STK10: variants seen among roughly 807,000 people sequenced by gnomAD.
STK10 encodes serine/threonine kinase 10.
Under a neutral mutation model 113.8 loss-of-function variants are expected in STK10, and 78 were observed. The ratio of observed to expected loss-of-function variants is 0.69; its 90% CI spans 0.57 to 0.83. The LOEUF is 0.83. Ranked by LOEUF, STK10 falls within the 40% of genes least tolerant of loss-of-function variation. The pLI, the probability that STK10 is intolerant of heterozygous loss-of-function variation, is 0.00. For missense variants in STK10, 1,109 were observed against 1,280.1 expected, an observed-to-expected ratio of 0.87 and a Z score of 2.04; for synonymous variants, 465 against 494.7, an observed-to-expected ratio of 0.94 and a Z score of 0.80.
intron 2 of STK10, among the ~76,000 whole-genome samples, chr5:172,155,382 C>A (rs1168043963): frequency 6.6e-6 from 1 of 151,798 alleles, no homozygotes; most frequent in Non-Finnish European, 1.5e-5. Flanking sequence ...CCTGTAATCC[C>A]AGCTGCTTAG....
chr5:172,116,443 T>A (rs576874479), intron 4 of STK10, among the ~76,000 whole-genome samples: 1 of 151,916 alleles, frequency 6.6e-6, no homozygotes, highest in African/African-American at 2.4e-5. Flanking sequence ...GAAGTACACA[T>A]GAGAAGAGCT....
intron 7 of STK10, among the ~76,000 whole-genome samples, chr5:172,100,756 C>T (rs1489452846): frequency 1.3e-5 from 2 of 152,098 alleles, no homozygotes; most frequent in Non-Finnish European, 2.9e-5. Context: ...CACTGTACTC[C>T]AGCCTGGGCA....
At chr5:172,099,126 T>C (rs1768923197) in intron 7 of STK10, among the ~76,000 whole-genome samples, 1 of 149,066 alleles carries the variant, frequency 6.7e-6, no homozygotes, top group Admixed American at 6.7e-5. Flanking sequence ...TCACCATCAT[T>C]ACCACCATCA....
intron 2 of STK10, among the ~76,000 whole-genome samples, chr5:172,153,501 T>C (rs1770288866): frequency 6.6e-6 from 1 of 152,142 alleles, no homozygotes; most frequent in Non-Finnish European, 1.5e-5. Context: ...TCTTGTCAAA[T>C]TGCACATGGG....
At chr5:172,176,291 G>A (rs1770756767) in intron 1 of STK10, among the ~76,000 whole-genome samples, 2 of 152,170 alleles carry the variant, frequency 1.3e-5, no homozygotes, top group African/African-American at 4.8e-5. Flanking sequence ...GCAGACACAA[G>A]CTTGCCTTCC....
chr5:172,086,525 C>T (rs1262141892), intron 10 of STK10, among the ~76,000 whole-genome samples: 1 of 152,156 alleles, frequency 6.6e-6, no homozygotes. Flanking sequence ...GGCTCAAGAG[C>T]GAGGGAACGG....
At chr5:172,140,525 C>T (rs1451668792) in intron 2 of STK10, among the ~76,000 whole-genome samples, 2 of 152,058 alleles carry the variant, frequency 1.3e-5, no homozygotes, top group Non-Finnish European at 2.9e-5. Flanking sequence ...GGCAAAACCT[C>T]GTCTCTACTA....
intron 10 of STK10, among the ~76,000 whole-genome samples, chr5:172,083,388 G>A (rs1768476807): frequency 6.6e-6 from 1 of 152,008 alleles, no homozygotes; most frequent in Admixed American, 6.6e-5. Flanking sequence ...CACCTATATA[G>A]ATATAAAATA....
In STK10 at chr5:172,064,738, C is replaced by T. The variant is rs189563470; in HGVS notation, c.2064G>A (p.Thr688=). The change falls in exon 13 of 19, where the codon ACG becomes ACA. Residue 688 remains threonine, a synonymous_variant. Coordinates refer to ENST00000176763, the MANE Select transcript of STK10 (RefSeq NM_005990.4). ...ESMKQKMEEH[T]QKKQLLDRDF... is the part of the protein sequence containing the mutation. ...GACTCACAAGAAGCTGCTTTTTCTG[C>T]GTGTGCTCCTCCATCTTCTGCTTCA... 15 of 1,614,006 alleles carry T rather than the reference C, an allele frequency of 9.3e-6. No homozygotes were observed. The highest frequency in any genetic ancestry group is 6.7e-5 in the African/African-American group (5 of 74,920).
intron 1 of STK10, among the ~76,000 whole-genome samples, chr5:172,172,003 C>A (rs1432793387): frequency 2.0e-5 from 3 of 152,008 alleles, no homozygotes; most frequent in African/African-American, 7.2e-5. Context: ...ACCAGCCTGA[C>A]CAACATGGTG....
At chr5:172,176,285 A>G (rs908757983) in intron 1 of STK10, among the ~76,000 whole-genome samples, 18 of 152,298 alleles carry the variant, frequency 1.2e-4, no homozygotes, top group African/African-American at 4.3e-4. Flanking sequence ...TCCGCAGCAG[A>G]CACAAGCTTG....
chr5:172,051,963 A>G (rs982976007), intron 18 of STK10, among the ~76,000 whole-genome samples: 3 of 152,220 alleles, frequency 2.0e-5, no homozygotes, highest in African/African-American at 4.8e-5. Flanking sequence ...GAGCGAGGGC[A>G]TGGGGTTTGA....
intron 1 of STK10, among the ~76,000 whole-genome samples, chr5:172,170,701 G>A (rs1395581802): frequency 6.6e-6 from 1 of 152,206 alleles, no homozygotes; most frequent in East Asian, 1.9e-4. Flanking sequence ...GGCTGAAAAC[G>A]GGAGCAACCT....
chr5:172,159,546 G>A (rs1770424245), intron 1 of STK10, among the ~76,000 whole-genome samples: 1 of 152,066 alleles, frequency 6.6e-6, no homozygotes. Context: ...AAACAGCCGG[G>A]CACAGTGGCT....
chr5:172,049,527 G>A (rs190691588), intron 18 of STK10, among the ~76,000 whole-genome samples: 35 of 152,210 alleles, frequency 2.3e-4, no homozygotes, highest in East Asian at 2.1e-3. Context: ...AGCACAAGTC[G>A]GGGATGAGAC....
At chr5:172,072,745 CATCCT>C (rs1256704868) in intron 12 of STK10, among the ~76,000 whole-genome samples, 1 of 152,166 alleles carries the variant, frequency 6.6e-6, no homozygotes, top group Admixed American at 6.5e-5. Flanking sequence ...TCCTATTCAA[CATCCT>C]ACTGGAGGCC....
intron 12 of STK10, among the ~76,000 whole-genome samples, chr5:172,065,358 G>C (rs976667090): frequency 1.4e-5 from 2 of 141,568 alleles, no homozygotes; most frequent in African/African-American, 5.3e-5. Flanking sequence ...CCAAGTAGCT[G>C]GCATTACAAG....
intron 2 of STK10, among the ~76,000 whole-genome samples, chr5:172,137,025 T>A (rs1221606265): frequency 6.6e-6 from 1 of 151,170 alleles, no homozygotes. Context: ...CCTCCCAGTG[T>A]CCACGTGTTC....
chr5:172,165,486 G>A (rs1258911121), intron 1 of STK10, among the ~76,000 whole-genome samples: 1 of 152,206 alleles, frequency 6.6e-6, no homozygotes, highest in East Asian at 1.9e-4. Context: ...GAGCTGCTGG[G>A]AAATTGACCC....
Sources: gnomAD v4.1 joint callset for allele counts (sites outside exome capture counted in the v4.1 genomes callset) on GRCh38, gnomAD v4.1.1 for gene constraint, MANE v1.5 for transcripts, NCBI Gene and HGNC (gene_info 2026-07-23, HGNC 2026-07-21) for gene names.